Variants in NSD1 observed in about 807,000 individuals in gnomAD.
NSD1 encodes the protein nuclear receptor binding SET domain protein 1, also known as histone-lysine N-methyltransferase, H3 lysine-36 specific.
Under a neutral mutation model 242.7 loss-of-function variants are expected in NSD1, and 26 were observed. That is an observed-to-expected ratio of 0.11 (90% CI 0.08 to 0.15). The LOEUF is 0.15. Among genes scored for constraint, NSD1 ranks in the 10% least tolerant of loss-of-function variants. The probability of loss-of-function intolerance (pLI) is 1.00; values close to 1 mark genes in which losing one functional copy is unlikely to be tolerated. For synonymous variants in NSD1, 1,106 were observed against 1,178.1 expected (o/e 0.94, Z 1.25); for missense variants, 2,495 against 3,272.8 (o/e 0.76, Z 5.80).
intron 2 of NSD1, among the ~76,000 whole-genome samples, chr5:177,157,698 C>A (rs1357086858): frequency 6.6e-6 from 1 of 152,096 alleles, no homozygotes. Context: ...ACAACTGTTA[C>A]CACTGTCTAA....
At position 177,246,766 on chromosome 5, in the gene NSD1, T is replaced by G. The variant is rs1446547268; in HGVS notation, c.4467T>G (p.Asp1489Glu). The G allele has an allele frequency of 6.2e-7, 1 of 1,613,848 alleles. No homozygotes were observed. Among genetic ancestry groups the G allele is most frequent in the South Asian group, 1.1e-5 (1 of 91,074 alleles). Reference sequence around the variant, plus strand: ...TGCAGTGTAAAAAAGTGAAAAATGATGACTCGTCAAAAGAGATTCCAGGCT... The same window carrying G: ...TGCAGTGTAAAAAAGTGAAAAATGAGGACTCGTCAAAAGAGATTCCAGGCT... The part of the protein sequence containing the change: ...AKMQCKKVKN[D>E]DSSKEIPGSE... Residue 1489 changes from aspartate (D) to glutamate (E), a missense_variant, in exon 10 of 23, where the codon GAT (aspartate) becomes GAG (glutamate). Transcript: ENST00000439151.
intron 2 of NSD1, among the ~76,000 whole-genome samples, chr5:177,184,326 G>A (rs955512550): frequency 7.9e-5 from 12 of 152,038 alleles, no homozygotes; most frequent in Admixed American, 7.2e-4. Context: ...GTTTGAGATG[G>A]TATCTCATTG....
At chr5:177,249,322 T>A (rs58241613) in intron 11 of NSD1, among the ~76,000 whole-genome samples, 11,928 of 151,970 alleles carry the variant, frequency 0.078, 978 homozygotes, top group African/African-American at 0.21. Flanking sequence ...TTTTAAAAAA[T>A]TTGTCTTTTT....
chr5:177,300,057 G>GCCCCACCCCC lies in NSD1; in HGVS notation c.*4602_*4603insACCCCCCCCC, dbSNP rs1354650646. On this transcript the variant is annotated 3_prime_UTR_variant, in exon 23 of 23. Coordinates refer to ENST00000439151, the MANE Select transcript of NSD1 (RefSeq NM_022455.5). ...AGGTCCATCATTGCTTTTTTGCCGC[G>GCCCCACCCCC]CCCCCCCCCCCCCGCCCCCATAGAT... The GCCCCACCCCC allele has an allele frequency of 7.7e-6, 1 of 129,928 alleles. No individual in the cohort carries two copies. Among genetic ancestry groups the GCCCCACCCCC allele is most frequent in the African/African-American group, 4.2e-5 (1 of 23,956 alleles). 8.0% of individuals were successfully genotyped at this position (129,928 alleles called of 1,614,324 possible).
chr5:177,251,762 T>C lies in NSD1; in HGVS notation c.4674T>C (p.Cys1558=). ...NCEKLGELLL[C]EAQCCGAFHL... ...AAAAATTGGGTGAGCTGCTGTTATG[T>C]GAGGCTCAGTGCTGTGGGGCTTTCC... is the stretch of plus-strand genomic sequence containing the variant. The change falls in exon 12 of 23, where the codon TGT becomes TGC. Residue 1558 remains cysteine, a synonymous_variant. Coordinates refer to ENST00000439151, the MANE Select transcript of NSD1 (RefSeq NM_022455.5). 1 of 1,614,126 alleles carries C rather than the reference T, an allele frequency of 6.2e-7. No homozygotes were observed. Among genetic ancestry groups the C allele is most frequent in the Non-Finnish European group, 8.5e-7 (1 of 1,179,958 alleles).
intron 9 of NSD1, 70 bp from the exon 10 acceptor site, chr5:177,246,607 TA>T: frequency 9.5e-7 from 1 of 1,055,406 alleles, no homozygotes; most frequent in Non-Finnish European, 1.5e-6. Context: ...GTTTTTATTC[TA>T]ATAATAGGAT....
chr5:177,266,580 G>A (rs1176909647), intron 14 of NSD1: 17 of 677,910 alleles, frequency 2.5e-5, no homozygotes, highest in Non-Finnish European at 3.5e-5. Context: ...CGACCTCGGC[G>A]GCCGCCATCT....
intron 2 of NSD1, among the ~76,000 whole-genome samples, chr5:177,157,831 G>A (rs1758260884): frequency 6.6e-6 from 1 of 152,140 alleles, no homozygotes; most frequent in African/African-American, 2.4e-5. Context: ...CCTATTCTAG[G>A]CGTTTCATAC....
Position 177,235,871 on chromosome 5 carries a change from G to A in NSD1, c.3847G>A (p.Glu1283Lys). 6.2e-7 allele frequency: 1 copy of A among 1,613,918 alleles called. No individual in the cohort carries two copies. The highest frequency in any genetic ancestry group is 8.5e-7 in the Non-Finnish European group (1 of 1,179,878). Residue 1283 changes from glutamate to lysine, a missense_variant, in exon 6 of 23, where the codon GAA (glutamate) becomes AAA (lysine). Glu to Lys is a moderately conservative substitution (Grantham distance 56). Around this residue, in one of 19 missense-constraint regions of NSD1, gnomAD observed 426 missense variants for 411.4 expected, o/e 1.04. Coordinates refer to ENST00000439151, the MANE Select transcript of NSD1 (RefSeq NM_022455.5). ...TAGGAAGCCAAGCAAGTGGCTTTTGGAATATACAGAAGAATATGATCAGAT... is the reference window on the plus strand; with the variant it reads ...TAGGAAGCCAAGCAAGTGGCTTTTGAAATATACAGAAGAATATGATCAGAT... ...RLRKPSKWLLEYTEEYDQIFA... is the reference protein window; with the variant it reads ...RLRKPSKWLLKYTEEYDQIFA...
At chr5:177,284,797 C>T (rs1759174479) in intron 20 of NSD1, among the ~76,000 whole-genome samples, 1 of 152,156 alleles carries the variant, frequency 6.6e-6, no homozygotes, top group Non-Finnish European at 1.5e-5. Flanking sequence ...GTTATGGACC[C>T]AAGGCTATTT....
At chr5:177,191,348 C>G (rs1233616990) in intron 2 of NSD1, among the ~76,000 whole-genome samples, 1 of 152,132 alleles carries the variant, frequency 6.6e-6, no homozygotes, top group Non-Finnish European at 1.5e-5. Context: ...GGGCTTATGT[C>G]TGAAAGTAAA....
chr5:177,174,442 A>ACCTCAGATGATCGCCTCCCAC (rs1760005977), intron 2 of NSD1, among the ~76,000 whole-genome samples: 1 of 151,968 alleles, frequency 6.6e-6, no homozygotes, highest in East Asian at 1.9e-4. Context: ...CGAACTCCCA[A>ACCTCAGATGATCGCCTCCCAC]CCTCAGATGA....
chr5:177,194,169 C>T (rs760501948), intron 3 of NSD1, among the ~76,000 whole-genome samples: 1 of 152,112 alleles, frequency 6.6e-6, no homozygotes, highest in Admixed American at 6.6e-5. Context: ...TCATCTTCCA[C>T]GTCTTTCCTT....
At chr5:177,291,594 A>G (rs956508407) in intron 21 of NSD1, among the ~76,000 whole-genome samples, 1 of 152,250 alleles carries the variant, frequency 6.6e-6, no homozygotes, top group African/African-American at 2.4e-5. Flanking sequence ...CGGAGGTTGC[A>G]GTGAGCCGAG....
chr5:177,150,243 C>G (rs1361046267), intron 2 of NSD1, among the ~76,000 whole-genome samples: 1 of 152,132 alleles, frequency 6.6e-6, no homozygotes, highest in Non-Finnish European at 1.5e-5. Context: ...AAGCGATTCT[C>G]CTGCCTCAGC....
intron 2 of NSD1, among the ~76,000 whole-genome samples, chr5:177,140,010 C>T (rs1756679518): frequency 1.3e-5 from 2 of 151,500 alleles, no homozygotes. Flanking sequence ...TGTAGATTTC[C>T]TGTCTGGAAT....
chr5:177,296,975 T>C lies in NSD1; in HGVS notation c.*1516T>C. The C allele has an allele frequency of 4.3e-6, 1 of 233,342 alleles. No homozygotes were observed. The highest frequency in any genetic ancestry group is 8.5e-6 in the Non-Finnish European group (1 of 118,064). The allele number at this position is 233,342 out of a possible 1,614,324, so 14.5% of individuals were successfully genotyped here. A position where few individuals can be genotyped will look rare whatever the true frequency, so the allele number is the denominator to read the frequency against. On this transcript the variant is annotated 3_prime_UTR_variant, in exon 23 of 23. Coordinates refer to ENST00000439151, the MANE Select transcript of NSD1 (RefSeq NM_022455.5). ...TCTCTTAGTTATGGCTTTCACGCTC[T>C]CAATAGGATTCTGTATTTGGTCCCA...
intron 3 of NSD1, among the ~76,000 whole-genome samples, chr5:177,196,344 G>A (rs979928961): frequency 1.3e-5 from 2 of 152,220 alleles, no homozygotes; most frequent in African/African-American, 4.8e-5. Flanking sequence ...TGGCTGGATT[G>A]TTGAACATGT....
chr5:177,285,051 C>T (rs961590693), intron 20 of NSD1, among the ~76,000 whole-genome samples: 2 of 152,152 alleles, frequency 1.3e-5, no homozygotes, highest in East Asian at 1.9e-4. Context: ...GTCTCTCTAA[C>T]GGGGTAGCGA....
Sources: allele counts gnomAD v4.1 joint callset (sites outside exome capture counted in the v4.1 genomes callset), GRCh38; gene constraint gnomAD v4.1.1; regional missense constraint gnomAD v4.1.1; transcripts MANE v1.5; gene names NCBI Gene and HGNC (gene_info 2026-07-23, HGNC 2026-07-21).